The following STK31 variants were observed in gnomAD, a reference collection of about 807,000 sequenced individuals.
STK31 encodes serine/threonine kinase 31.
A neutral mutation model predicts 129.7 loss-of-function variants in STK31; 89 were observed. That is an observed-to-expected ratio of 0.69 (90% CI 0.58 to 0.82). STK31 has a LOEUF of 0.82. STK31 is among the 40% of genes least tolerant of loss of function. The pLI is 0.00. For synonymous variants in STK31, 448 were observed against 395.3 expected, an observed-to-expected ratio of 1.13 and a Z score of -1.58; for missense variants, 1,187 against 1,176.4, an observed-to-expected ratio of 1.01 and a Z score of -0.13.
chr7:23,800,177 A>G (rs1435403181), intron 22 of STK31, among the ~76,000 whole-genome samples: 4 of 152,170 alleles, frequency 2.6e-5, no homozygotes, highest in African/African-American at 9.6e-5. Flanking sequence ...TAGTGTAGCG[A>G]TTCCTCAGGC....
In STK31 at chr7:23,718,958, T is replaced by C. The variant is rs114233442; in HGVS notation, c.249+1379T>C. On this transcript the variant is annotated intron_variant, in intron 4 of 23. Coordinates refer to ENST00000355870, the MANE Select transcript of STK31 (RefSeq NM_031414.5). ...AGTGTTGAACCAATTTACATTCTTA[T>C]CAGCAATTTATGAGAGTTATAGTTC... Among the ~76,000 whole-genome samples, 297 of 152,218 alleles carry C rather than the reference T, an allele frequency of 2.0e-3. 1 individual carries two copies. The highest frequency in any genetic ancestry group is 6.9e-3 in the African/African-American group (285 of 41,564).
chr7:23,710,296 A>G lies in STK31; in HGVS notation c.11A>G (p.Gln4Arg), dbSNP rs1785850009. Reference sequence around the variant, plus strand: ...GGCCGAAAGTCCAGTATGTGGGTCCAGGGTCACTCTTCTAGAGCTTCCGCA... The same window carrying G: ...GGCCGAAAGTCCAGTATGTGGGTCCGGGGTCACTCTTCTAGAGCTTCCGCA... MWVQGHSSRASATE... is the reference protein window; with the variant it reads MWVRGHSSRASATE... The change falls in exon 1 of 24, where the codon CAG (glutamine) becomes CGG (arginine). Residue 4 changes from glutamine to arginine, a missense_variant. Physicochemically the swap from Gln to Arg is conservative, Grantham distance 43. This residue lies in a region of STK31 where 104 missense variants were observed against 98.3 expected (regional missense o/e 1.06). Transcript: ENST00000355870. The G allele has an allele frequency of 2.5e-6, 4 of 1,612,404 alleles. No individual in the cohort carries two copies. Among genetic ancestry groups the G allele is most frequent in the South Asian group, 1.1e-5 (1 of 90,702 alleles).
chr7:23,777,470 T>C (rs1420594643), intron 15 of STK31, among the ~76,000 whole-genome samples: 1 of 152,232 alleles, frequency 6.6e-6, no homozygotes, highest in Non-Finnish European at 1.5e-5. Flanking sequence ...TCTAATTCTC[T>C]TTGTAGGTCT....
At chr7:23,808,151 A>ATG (rs1792832376) in intron 22 of STK31, among the ~76,000 whole-genome samples, 1 of 58,798 alleles carries the variant, frequency 1.7e-5, no homozygotes, top group African/African-American at 7.4e-5. Context: ...ATCCTTTTTA[A>ATG]TATATATATA....
At chr7:23,800,637 TA>T (rs916325668) in intron 22 of STK31, among the ~76,000 whole-genome samples, 2 of 151,948 alleles carry the variant, frequency 1.3e-5, no homozygotes, top group African/African-American at 4.8e-5. Context: ...TTAGGAGAAA[TA>T]CCTAATGTAG....
chr7:23,767,469 A>G lies in STK31; in HGVS notation c.1417-1526A>G, dbSNP rs112404725. 5.1e-3 allele frequency among the ~76,000 whole-genome samples: 770 copies of G among 152,252 alleles called. 3 individuals carry two copies. The highest frequency in any genetic ancestry group is 0.031 in the Middle Eastern group (9 of 294). On this transcript the variant is annotated intron_variant, in intron 11 of 23. Coordinates refer to ENST00000355870, the MANE Select transcript of STK31 (RefSeq NM_031414.5). ...CTGATGTTGCCATCTGGGATTATCTACTTCCTCTTTGCTTCTCTCCTGGGT... is the reference window on the plus strand; with the variant it reads ...CTGATGTTGCCATCTGGGATTATCTGCTTCCTCTTTGCTTCTCTCCTGGGT...
At position 23,712,140 on chromosome 7, in the gene STK31, A is replaced by G. The variant is rs745407404; in HGVS notation, c.92A>G (p.Asp31Gly). 3 of 1,613,094 alleles carry G rather than the reference A, an allele frequency of 1.9e-6. No individual in the cohort carries two copies. Among genetic ancestry groups the G allele is most frequent in the East Asian group, 2.2e-5 (1 of 44,848 alleles). Residue 31 changes from aspartate to glycine, a missense_variant, in exon 2 of 24, where the codon GAT becomes GGT. By Grantham distance (94) the Asp-to-Gly change is moderately conservative. Coordinates refer to ENST00000355870, the MANE Select transcript of STK31 (RefSeq NM_031414.5). Reference protein sequence around the residue: ...IVQMDEDTHYDKVEDVVGSHI... With the variant: ...IVQMDEDTHYGKVEDVVGSHI... Reference sequence around the variant, plus strand: ...CAAATGGATGAAGATACACATTACGATAAAGGTACTGACACTAAAAATTAT... The same window carrying G: ...CAAATGGATGAAGATACACATTACGGTAAAGGTACTGACACTAAAAATTAT...
intron 4 of STK31, among the ~76,000 whole-genome samples, chr7:23,718,447 C>T (rs1398127528): frequency 6.6e-6 from 1 of 152,076 alleles, no homozygotes; most frequent in Non-Finnish European, 1.5e-5. Context: ...CCATCCAGAT[C>T]AACATATGGT....
intron 10 of STK31, among the ~76,000 whole-genome samples, chr7:23,760,503 T>C (rs1264426819): frequency 6.6e-6 from 1 of 152,234 alleles, no homozygotes; most frequent in Admixed American, 6.5e-5. Flanking sequence ...TGATTAATTT[T>C]TTAATTTCTA....
intron 22 of STK31, among the ~76,000 whole-genome samples, chr7:23,806,055 C>T (rs1399525093): frequency 6.6e-6 from 1 of 152,188 alleles, no homozygotes; most frequent in Non-Finnish European, 1.5e-5. Flanking sequence ...TCTGCCTTCA[C>T]ATCACATATT....
intron 22 of STK31, among the ~76,000 whole-genome samples, chr7:23,808,236 C>T (rs755108495): frequency 2.0e-5 from 3 of 151,202 alleles, no homozygotes; most frequent in Non-Finnish European, 4.4e-5. Context: ...ATATGTAGTT[C>T]CCCACTGGGC....
At chr7:23,774,734 C>T (rs1790429696) in intron 15 of STK31, among the ~76,000 whole-genome samples, 1 of 152,150 alleles carries the variant, frequency 6.6e-6, no homozygotes, top group African/African-American at 2.4e-5. Flanking sequence ...GTTGCCTGTT[C>T]ACTCTGATAG....
chr7:23,714,874 T>C (rs1786205387), intron 3 of STK31, among the ~76,000 whole-genome samples: 1 of 152,208 alleles, frequency 6.6e-6, no homozygotes, highest in South Asian at 2.1e-4. Flanking sequence ...GCCAACATAG[T>C]GCAAAGCAGC....
chr7:23,782,606 A>G (rs1466417386), intron 16 of STK31, among the ~76,000 whole-genome samples: 1 of 152,216 alleles, frequency 6.6e-6, no homozygotes, highest in Non-Finnish European at 1.5e-5. Flanking sequence ...TTGGGTTAAA[A>G]TAGCGATCTT....
intron 10 of STK31, among the ~76,000 whole-genome samples, chr7:23,761,467 C>G (rs1279623528): frequency 1.3e-5 from 2 of 151,028 alleles, no homozygotes; most frequent in African/African-American, 4.9e-5. Context: ...GTCGCCCAGG[C>G]CGGAGTGCAG....
rs537053686 is a variant in STK31, at chr7:23,738,388, T to G, written c.1017+1310T>G. Among the ~76,000 whole-genome samples the G allele has an allele frequency of 6.0e-3, 487 of 80,872 alleles. 3 individuals carry two copies. Among genetic ancestry groups the G allele is most frequent in the Middle Eastern group, 0.016 (3 of 186 alleles). 53.1% of individuals were successfully genotyped at this position (80,872 alleles called of 152,430 possible). On this transcript the variant is annotated intron_variant, in intron 8 of 23. Coordinates refer to ENST00000355870, the MANE Select transcript of STK31 (RefSeq NM_031414.5). ...TCAGAGTATTTTGGTTTTGTTTGTTTGTTTGTTTTGAGACAGTCTTGCAAC... is the reference window on the plus strand; with the variant it reads ...TCAGAGTATTTTGGTTTTGTTTGTTGGTTTGTTTTGAGACAGTCTTGCAAC...
Position 23,752,778 on chromosome 7 carries a change from T to C in STK31, c.1079T>C (p.Ile360Thr), listed in dbSNP as rs1562572579. ...TTAGAATACACTCTGAAGACCTATA[T>C]AGATACCAGAATGAAAAATCTGGCA... ...NHLEYTLKTYIDTRMKNLAAK... is the reference protein window; with the variant it reads ...NHLEYTLKTYTDTRMKNLAAK... Residue 360 changes from isoleucine (I) to threonine (T), a missense_variant, in exon 9 of 24, where the codon ATA (isoleucine) becomes ACA (threonine). Coordinates refer to ENST00000355870, the MANE Select transcript of STK31 (RefSeq NM_031414.5). 7 of 1,613,780 alleles carry C rather than the reference T, an allele frequency of 4.3e-6. No homozygotes were observed. The highest frequency in any genetic ancestry group is 5.9e-6 in the Non-Finnish European group (7 of 1,179,880).
At position 23,732,610 on chromosome 7, in the gene STK31, A is replaced by G. The variant is rs1787498159; in HGVS notation, c.484-2928A>G. Among the ~76,000 whole-genome samples, 5 of 152,208 alleles carry G rather than the reference A, an allele frequency of 3.3e-5. No individual in the cohort carries two copies. In the South Asian group the frequency reaches 1.0e-3, roughly 31 times the overall value. On this transcript the variant is annotated intron_variant, in intron 6 of 23. Transcript: ENST00000355870. Reference sequence around the variant, plus strand: ...ATTGTGATTGGTGACTGTAACTAAAATGAATTTGAATTCAGAGAGAAATCT... The same window carrying G: ...ATTGTGATTGGTGACTGTAACTAAAGTGAATTTGAATTCAGAGAGAAATCT...
Position 23,783,564 on chromosome 7 carries a change from T to C in STK31, c.2068-19T>C. 1.7e-6 allele frequency: 1 copy of C among 603,270 alleles called. No homozygotes were observed. Among genetic ancestry groups the C allele is most frequent in the Non-Finnish European group, 2.3e-6 (1 of 428,304 alleles). The allele number at this position is 603,270 out of a possible 1,614,324, so 37.4% of individuals were successfully genotyped here. The stretch of plus-strand genomic sequence containing the variant: ...TATATATTGATCTACAGTTAAAAAC[T>C]TTTTTTTTTTAACTTTAGGAGATGC... On this transcript the variant is annotated intron_variant, in intron 16 of 23. Coordinates refer to ENST00000355870, the MANE Select transcript of STK31 (RefSeq NM_031414.5).
Sources: allele counts gnomAD v4.1 joint callset (sites outside exome capture counted in the v4.1 genomes callset), GRCh38; gene constraint gnomAD v4.1.1; regional missense constraint gnomAD v4.1.1; transcripts MANE v1.5; gene names NCBI Gene and HGNC (gene_info 2026-07-23, HGNC 2026-07-21).